IL1RAPL2: variants seen among roughly 807,000 people sequenced by gnomAD.
IL1RAPL2 encodes the protein X-linked interleukin-1 receptor accessory protein-like 2.
In IL1RAPL2, 3 loss-of-function variants were observed where a neutral mutation model predicts 44.1. That is an observed-to-expected ratio of 0.07 (90% CI 0.03 to 0.18). The LOEUF is 0.18. Ranked by LOEUF, IL1RAPL2 falls within the 10% of genes least tolerant of loss-of-function variation. IL1RAPL2 has a pLI of 1.00. For synonymous variants in IL1RAPL2, 181 were observed against 178.8 expected (o/e 1.01, Z -0.10); for missense variants, 391 against 496.4 (o/e 0.79, Z 2.02).
intron 7 of IL1RAPL2, among the ~76,000 whole-genome samples, chrX:105,735,331 A>T (rs1015359492): frequency 6.4e-5 from 7 of 110,090 alleles, no homozygotes; most frequent in Non-Finnish European, 1.3e-4. Flanking sequence ...ATATGTGCAA[A>T]CTCATCAAAT....
chrX:105,702,989 C>G (rs2038132598), intron 6 of IL1RAPL2, among the ~76,000 whole-genome samples: 1 of 111,381 alleles, frequency 9.0e-6, no homozygotes, highest in Admixed American at 9.6e-5. Flanking sequence ...GAAAGTATAG[C>G]ACATCTATAA....
intron 5 of IL1RAPL2, among the ~76,000 whole-genome samples, chrX:105,421,246 A>G (rs73527136): frequency 0.027 from 3,037 of 111,418 alleles, 108 homozygotes; most frequent in African/African-American, 0.093. Flanking sequence ...GATAAGGGAC[A>G]AAAGATTTCA....
intron 5 of IL1RAPL2, among the ~76,000 whole-genome samples, chrX:105,305,748 G>A (rs992127995): frequency 9.0e-6 from 1 of 111,547 alleles, no homozygotes; most frequent in African/African-American, 3.3e-5. Context: ...ACACTGGAGG[G>A]TAAATAATTT....
intron 2 of IL1RAPL2, among the ~76,000 whole-genome samples, chrX:104,778,368 A>AT (rs1212674783): frequency 2.7e-5 from 3 of 110,616 alleles, no homozygotes; most frequent in Non-Finnish European, 5.7e-5. Context: ...ATTCATAAGA[A>AT]TTATCTCCAA....
intron 5 of IL1RAPL2, among the ~76,000 whole-genome samples, chrX:105,299,149 T>A (rs2034676482): frequency 8.9e-6 from 1 of 111,964 alleles, no homozygotes; most frequent in Non-Finnish European, 1.9e-5. Context: ...ATATGTTAGA[T>A]CTGTTTTTAA....
At chrX:105,403,994 A>G (rs1175695991) in intron 5 of IL1RAPL2, among the ~76,000 whole-genome samples, 1 of 112,210 alleles carries the variant, frequency 8.9e-6, no homozygotes, top group Non-Finnish European at 1.9e-5. Flanking sequence ...CAAACTTCTT[A>G]TAGATGGTAT....
chrX:104,812,089 C>T (rs767520834), intron 2 of IL1RAPL2, among the ~76,000 whole-genome samples: 4 of 110,740 alleles, frequency 3.6e-5, no homozygotes, highest in Admixed American at 2.9e-4. Flanking sequence ...TGAAATGCAC[C>T]GCAGGGCTTT....
chrX:105,438,356 G>A (rs1019287518), intron 5 of IL1RAPL2, among the ~76,000 whole-genome samples: 3 of 111,269 alleles, frequency 2.7e-5, no homozygotes, highest in Non-Finnish European at 5.7e-5. Context: ...ATAAGATCCC[G>A]AAGCACCCAG....
intron 1 of IL1RAPL2, among the ~76,000 whole-genome samples, chrX:104,617,905 C>T (rs1479647193): frequency 9.0e-6 from 1 of 111,597 alleles, no homozygotes; most frequent in East Asian, 2.8e-4. Context: ...TTGATCATGT[C>T]ACTACATTCA....
intron 1 of IL1RAPL2, among the ~76,000 whole-genome samples, chrX:104,634,995 C>G (rs1254608916): frequency 9.0e-6 from 1 of 111,396 alleles, no homozygotes; most frequent in African/African-American, 3.3e-5. Context: ...TGTTCCTTTC[C>G]ATGTTTAGTG....
At chrX:105,462,878 G>T (rs931273833) in intron 5 of IL1RAPL2, among the ~76,000 whole-genome samples, 2 of 110,465 alleles carry the variant, frequency 1.8e-5, no homozygotes, top group African/African-American at 6.6e-5. Flanking sequence ...CTCATCTTTG[G>T]TTCAAATCCC....
chrX:105,605,949 C>T (rs764510295), intron 6 of IL1RAPL2, among the ~76,000 whole-genome samples: 5 of 111,390 alleles, frequency 4.5e-5, no homozygotes, highest in African/African-American at 1.3e-4. Flanking sequence ...AAAATAATCT[C>T]AAAATAGATT....
chrX:105,343,257 C>T (rs1363983034), intron 5 of IL1RAPL2, among the ~76,000 whole-genome samples: 1 of 111,695 alleles, frequency 9.0e-6, no homozygotes, highest in Non-Finnish European at 1.9e-5. Context: ...TATTTTATGT[C>T]TTTTAAATGA....
rs754690185 is a variant in IL1RAPL2 at position 104,603,688 on chromosome X, C to T, written c.-20+36637C>T. On this transcript the variant is annotated intron_variant, in intron 1 of 10. Coordinates refer to ENST00000372582, the MANE Select transcript of IL1RAPL2 (RefSeq NM_017416.2). Reference sequence around the variant, plus strand: ...AGCTTCAATAGCTGATTCGATCAAGCGGAAGAAAGGATATCAGTGATTGAA... The same window carrying T: ...AGCTTCAATAGCTGATTCGATCAAGTGGAAGAAAGGATATCAGTGATTGAA... Among the ~76,000 whole-genome samples the T allele has an allele frequency of 2.2e-3, 247 of 110,624 alleles. 2 individuals carry two copies. Among genetic ancestry groups the T allele is most frequent in the African/African-American group, 7.4e-3 (224 of 30,433 alleles).
intron 2 of IL1RAPL2, among the ~76,000 whole-genome samples, chrX:104,974,568 T>C (rs1471762563): frequency 8.9e-6 from 1 of 112,212 alleles, no homozygotes; most frequent in Non-Finnish European, 1.9e-5. Flanking sequence ...CCAGTAGGTA[T>C]AGAAGACAGG....
chrX:104,698,184 G>C (rs1188723698), intron 2 of IL1RAPL2, among the ~76,000 whole-genome samples: 1 of 112,368 alleles, frequency 8.9e-6, no homozygotes, highest in Non-Finnish European at 1.9e-5. Flanking sequence ...GGGAAAGTGA[G>C]GGAGAAAGAA....
chrX:104,924,044 TAAAA>T (rs57049694), intron 2 of IL1RAPL2, among the ~76,000 whole-genome samples: 7 of 97,284 alleles, frequency 7.2e-5, no homozygotes, highest in Admixed American at 4.6e-4. Flanking sequence ...ATAACAATAG[TAAAA>T]AAAAAAAAGA....
At chrX:104,968,622 C>T (rs767368518) in intron 2 of IL1RAPL2, among the ~76,000 whole-genome samples, 2 of 111,045 alleles carry the variant, frequency 1.8e-5, no homozygotes, top group East Asian at 5.6e-4. Context: ...CATGATTTGC[C>T]TACATAGAAA....
intron 2 of IL1RAPL2, among the ~76,000 whole-genome samples, chrX:105,163,781 T>C (rs1569395716): frequency 9.0e-6 from 1 of 111,101 alleles, no homozygotes; most frequent in Admixed American, 9.7e-5. Flanking sequence ...TAGCTACTTA[T>C]AGTTAGGCTT....
Sources: allele counts gnomAD v4.1 joint callset (sites outside exome capture counted in the v4.1 genomes callset), GRCh38; gene constraint gnomAD v4.1.1; transcripts MANE v1.5; gene names NCBI Gene and HGNC (gene_info 2026-07-23, HGNC 2026-07-21).